Variants in SMARCA4 observed in about 807,000 individuals in gnomAD.
SMARCA4 encodes SWI/SNF-related matrix-associated actin-dependent regulator of chromatin subfamily A member 4.
In SMARCA4, 31 loss-of-function variants were observed where a neutral mutation model predicts 193.9. That is an observed-to-expected ratio of 0.16 (90% CI 0.12 to 0.22). The LOEUF (loss-of-function observed/expected upper bound fraction) is 0.22, where lower values mean the gene tolerates loss of function less well. Among genes scored for constraint, SMARCA4 ranks in the 10% least tolerant of loss-of-function variants. The pLI, the probability that SMARCA4 is intolerant of heterozygous loss-of-function variation, is 1.00. For missense variants in SMARCA4, 1,148 were observed against 2,296.0 expected (o/e 0.50, Z 10.22); for synonymous variants, 942 against 933.1 (o/e 1.01, Z -0.17).
In SMARCA4 at chr19:11,062,223, A is replaced by G. The variant is rs557287176; in HGVS notation, c.*407A>G. On this transcript the variant is annotated 3_prime_UTR_variant, in exon 35 of 35. Coordinates refer to ENST00000344626, the MANE Select transcript of SMARCA4 (RefSeq NM_003072.5). ...GACTCGCCGGGGGCCCGGCGAGGGT[A>G]TGTCAGTGTCACTGGATGTCAAACA... The G allele has an allele frequency of 9.9e-6, 3 of 302,922 alleles. No homozygotes were observed. The highest frequency in any genetic ancestry group is 6.3e-5 in the African/African-American group (3 of 47,810). The allele number at this position is 302,922 out of a possible 1,614,324, so 18.8% of individuals were successfully genotyped here.
At chr19:10,975,169 A>G (rs929670982) in intron 1 of SMARCA4, among the ~76,000 whole-genome samples, 72 of 149,378 alleles carry the variant, frequency 4.8e-4, no homozygotes, top group Middle Eastern at 7.0e-3. Flanking sequence ...GGCATGCACC[A>G]TTACCCCTGG....
At chr19:11,032,898 T>C (rs765673283) in intron 25 of SMARCA4, among the ~76,000 whole-genome samples, 94 of 152,214 alleles carry the variant, frequency 6.2e-4, no homozygotes, top group Non-Finnish European at 1.1e-3. Flanking sequence ...AACCAAGCAC[T>C]GCCACAACAC....
intron 15 of SMARCA4, among the ~76,000 whole-genome samples, chr19:11,012,174 C>T (rs1393834252): frequency 6.6e-6 from 1 of 152,110 alleles, no homozygotes; most frequent in Non-Finnish European, 1.5e-5. Flanking sequence ...GAGTTTGAGA[C>T]CAGGCTGGCC....
chr19:10,997,962 T>A (rs1240684630), intron 11 of SMARCA4, among the ~76,000 whole-genome samples: 1 of 152,176 alleles, frequency 6.6e-6, no homozygotes, highest in Non-Finnish European at 1.5e-5. Flanking sequence ...GTTTGGCCAG[T>A]TTTTCCAGTT....
At chr19:11,060,391 G>A (rs1023515048) in intron 34 of SMARCA4, 20 of 661,526 alleles carry the variant, frequency 3.0e-5, no homozygotes, top group Non-Finnish European at 4.0e-5. Flanking sequence ...GTGTGACCCC[G>A]GAACCAGCTC....
chr19:10,994,486 G>A (rs559054646), intron 8 of SMARCA4, among the ~76,000 whole-genome samples: 6 of 151,532 alleles, frequency 4.0e-5, no homozygotes, highest in Admixed American at 2.6e-4. Flanking sequence ...CACCACGCCC[G>A]GCTGATTTTT....
chr19:11,046,102 A>T (rs2075894018), intron 30 of SMARCA4, among the ~76,000 whole-genome samples: 1 of 152,006 alleles, frequency 6.6e-6, no homozygotes, highest in Non-Finnish European at 1.5e-5. Context: ...GGGCGCCTGT[A>T]GTCCCAGATA....
In SMARCA4 at chr19:11,049,576, C is replaced by T. The variant is rs971660444; in HGVS notation, c.4424+8016C>T. ...CTTGGCTCACTGCAACCTCTGCCTCCCTCCCTGGGTTCTTTATAGCAGTCA... is the reference window on the plus strand; with the variant it reads ...CTTGGCTCACTGCAACCTCTGCCTCTCTCCCTGGGTTCTTTATAGCAGTCA... On this transcript the variant is annotated intron_variant, in intron 30 of 34. Coordinates refer to ENST00000344626, the MANE Select transcript of SMARCA4 (RefSeq NM_003072.5). Among the ~76,000 whole-genome samples the T allele has an allele frequency of 5.3e-5, 8 of 152,024 alleles. No individual in the cohort carries two copies. In the South Asian group the frequency reaches 1.0e-3, roughly 20 times the overall value.
intron 6 of SMARCA4, among the ~76,000 whole-genome samples, chr19:10,988,474 A>G (rs756049031): frequency 3.9e-5 from 6 of 152,156 alleles, no homozygotes; most frequent in Middle Eastern, 3.2e-3. Flanking sequence ...AGCTTCAATT[A>G]TCTGCCCAAT....
At chr19:11,023,413 C>G (rs970142560) in intron 19 of SMARCA4, 105 bp from the exon 20 acceptor site, 1 of 766,008 alleles carries the variant, frequency 1.3e-6, no homozygotes, top group Non-Finnish European at 2.3e-6. Flanking sequence ...AAGATCACCC[C>G]AGGGGACCCC....
chr19:11,035,089 A>C lies in SMARCA4; in HGVS notation c.4127A>C (p.Glu1376Ala). The C allele has an allele frequency of 2.5e-6, 4 of 1,613,082 alleles. No homozygotes were observed. The highest frequency in any genetic ancestry group is 3.4e-6 in the Non-Finnish European group (4 of 1,179,926). Residue 1376 changes from glutamate to alanine, a missense_variant, in exon 29 of 35, where the codon GAG becomes GCG. Transcript: ENST00000344626. ...MFGRGSRHRK[E>A]VDYSDSLTEK... ...GGCCGTGGCTCCCGCCACCGCAAGG[A>C]GGTGGACTACAGCGACTCACTGACG...
chr19:10,987,844 C>T lies in SMARCA4; in HGVS notation c.1038C>T (p.His346=), dbSNP rs2086198264. ...AGCCCGCGCCCATGGTGCCACTGCA[C>T]CAGAAGCAGAGCCGCATCACCCCCA... The part of the protein sequence containing the change: ...PAQPAPMVPL[H]QKQSRITPIQ... The change falls in exon 6 of 35, where the codon CAC becomes CAT. Residue 346 remains histidine, a synonymous_variant. Transcript: ENST00000344626. The surrounding 1 kb of genome is among the most constrained non-coding windows in gnomAD (Gnocchi z 5.3). The T allele has an allele frequency of 1.9e-6, 3 of 1,611,836 alleles. No individual in the cohort carries two copies. Among genetic ancestry groups the T allele is most frequent in the Non-Finnish European group, 2.5e-6 (3 of 1,179,464 alleles).
intron 13 of SMARCA4, 78 bp downstream of exon 13, chr19:11,003,475 T>C: frequency 7.4e-7 from 1 of 1,351,748 alleles, no homozygotes; most frequent in Non-Finnish European, 1.1e-6. Context: ...TGTGACCGTC[T>C]CCTGCCCTGG....
rs762192740 is a variant in SMARCA4, at chr19:11,034,238, C to G, written c.3951+38C>G. 2 of 1,502,666 alleles carry G rather than the reference C, an allele frequency of 1.3e-6. No individual in the cohort carries two copies. Among genetic ancestry groups the G allele is most frequent in the East Asian group, 2.3e-5 (1 of 44,358 alleles). 93.1% of individuals were successfully genotyped at this position (1,502,666 alleles called of 1,614,324 possible). ...GGCTGGATGGGGCAGTTCAGGCATC[C>G]CACTCTGCTGCCACCAGGAGCAAAG... On this transcript the variant is annotated intron_variant, in intron 28 of 34. Transcript: ENST00000344626. The surrounding 1 kb of genome is among the most constrained non-coding windows in gnomAD (Gnocchi z 7.0).
chr19:11,033,587 T>C lies in SMARCA4; in HGVS notation c.3774+70T>C, dbSNP rs553585291. ...GACGCGTGAGCGGCTTTCATTTTTG[T>C]TTTTTTACCTTTTTTGCACTCTTAT... On this transcript the variant is annotated intron_variant, in intron 26 of 34. Transcript: ENST00000344626. This position sits in a 1 kb window ranked among gnomAD's most constrained non-coding sequence, Gnocchi z 9.8. 8.4e-7 allele frequency: 1 copy of C among 1,187,482 alleles called. No homozygotes were observed. The highest frequency in any genetic ancestry group is 1.5e-5 in the African/African-American group (1 of 66,618). The allele number at this position is 1,187,482 out of a possible 1,614,324, so 73.6% of individuals were successfully genotyped here.
intron 16 of SMARCA4, among the ~76,000 whole-genome samples, chr19:11,015,243 T>C (rs571727951): frequency 1.3e-5 from 2 of 152,354 alleles, no homozygotes; most frequent in East Asian, 1.9e-4. Flanking sequence ...GTAGGACTAA[T>C]AGCAAACCAG....
At chr19:11,045,273 C>T (rs1433694842) in intron 30 of SMARCA4, among the ~76,000 whole-genome samples, 1 of 151,894 alleles carries the variant, frequency 6.6e-6, no homozygotes, top group East Asian at 1.9e-4. Context: ...TGAGCCGAGA[C>T]CGCGCCACGG....
At chr19:10,969,619 G>C (rs1486165653) in intron 1 of SMARCA4, among the ~76,000 whole-genome samples, 1 of 151,238 alleles carries the variant, frequency 6.6e-6, no homozygotes, top group African/African-American at 2.4e-5. Context: ...TAGTAGAGAC[G>C]GGGTTTCTCC....
intron 15 of SMARCA4, chr19:11,010,796 C>T (rs1253845306): frequency 4.0e-6 from 2 of 500,914 alleles, no homozygotes; most frequent in Admixed American, 3.0e-5. Flanking sequence ...GCGATTTGCA[C>T]TCCAGTGGCC....
Sources: gnomAD v4.1 joint callset for allele counts (sites outside exome capture counted in the v4.1 genomes callset) on GRCh38, gnomAD v4.1.1 for gene constraint, Gnocchi (gnomAD v3.1) non-coding constraint, MANE v1.5 for transcripts, NCBI Gene and HGNC (gene_info 2026-07-23, HGNC 2026-07-21) for gene names.